Variants in PCDHA1 observed in about 807,000 individuals in gnomAD.
The protein encoded by PCDHA1 is protocadherin alpha-1.
In PCDHA1, 42 loss-of-function variants were observed where a neutral mutation model predicts 61.3. The ratio of observed to expected loss-of-function variants is 0.69; its 90% CI spans 0.54 to 0.89. The LOEUF (loss-of-function observed/expected upper bound fraction) is 0.89. Among genes scored for constraint, PCDHA1 ranks in the 40% least tolerant of loss-of-function variants. PCDHA1 has a pLI of 0.00. For synonymous variants in PCDHA1, 610 were observed against 553.8 expected (o/e 1.10, Z -1.43); for missense variants, 1,256 against 1,235.3 (o/e 1.02, Z -0.25).
At chr5:140,961,458 G>A (rs1371131275) in intron 1 of PCDHA1, among the ~76,000 whole-genome samples, 2 of 152,150 alleles carry the variant, frequency 1.3e-5, no homozygotes, top group Non-Finnish European at 2.9e-5. Context: ...TCTTGCAGCT[G>A]CCTTTCTTTT....
chr5:140,911,381 G>A (rs2075444647), intron 1 of PCDHA1, among the ~76,000 whole-genome samples: 1 of 152,116 alleles, frequency 6.6e-6, no homozygotes, highest in African/African-American at 2.4e-5. Context: ...GGCTGTGCAT[G>A]CACCTTTCAT....
chr5:140,982,447 C>T (rs782801484), intron 2 of PCDHA1, 28 bp from the exon 3 acceptor site: 5 of 1,613,664 alleles, frequency 3.1e-6, no homozygotes, highest in Admixed American at 3.3e-5. Flanking sequence ...ATGATCTAAC[C>T]GTTATCTGGG....
chr5:140,833,822 T>C (rs1020023759), intron 1 of PCDHA1, among the ~76,000 whole-genome samples: 1 of 152,148 alleles, frequency 6.6e-6, no homozygotes, highest in Non-Finnish European at 1.5e-5. Context: ...CCTGGGTCCC[T>C]AAAAGAGTAC....
Position 140,823,500 on chromosome 5 carries a change from A to G in PCDHA1, c.2394+34816A>G, listed in dbSNP as rs1016664951. 8 of 1,613,208 alleles carry G rather than the reference A, an allele frequency of 5.0e-6. No individual in the cohort carries two copies. The Admixed American group carries it at 5.0e-5, about 10-fold the overall frequency. On this transcript the variant is annotated intron_variant, in intron 1 of 3. Transcript: ENST00000504120. ...CTCGAGTGGGTGGCACCGGCGGCGCAGTGAGCGAGCTGGTGCCGAGGTCAG... is the reference window on the plus strand; with the variant it reads ...CTCGAGTGGGTGGCACCGGCGGCGCGGTGAGCGAGCTGGTGCCGAGGTCAG...
chr5:140,801,740 C>T (rs774149101), intron 1 of PCDHA1: 3 of 1,613,818 alleles, frequency 1.9e-6, no homozygotes, highest in Non-Finnish European at 2.5e-6. Flanking sequence ...TTACCTTGGA[C>T]GTTAAAAGAA....
At chr5:140,981,537 G>C (rs375537131) in intron 2 of PCDHA1, among the ~76,000 whole-genome samples, 2 of 152,290 alleles carry the variant, frequency 1.3e-5, no homozygotes, top group East Asian at 3.9e-4. Context: ...TCGTGCCACT[G>C]TACTCCAGCC....
At chr5:140,822,243 G>A (rs2150114837) in intron 1 of PCDHA1, 12 of 1,614,136 alleles carry the variant, frequency 7.4e-6, no homozygotes, top group Non-Finnish European at 1.0e-5. Flanking sequence ...TAGAGGGCGC[G>A]TCGGATTTGG....
At chr5:140,797,230 C>T in intron 1 of PCDHA1, 1 of 1,614,176 alleles carries the variant, frequency 6.2e-7, no homozygotes. Flanking sequence ...GCAGAGGCGG[C>T]AGAGGGTGTG....
In PCDHA1 at chr5:140,928,392, G is replaced by A. The variant is rs17844366; in HGVS notation, c.2395-50557G>A. 2.0e-4 allele frequency: 326 copies of A among 1,614,052 alleles called. No homozygotes were observed. The East Asian group carries it at 6.6e-3, about 32-fold the overall frequency. Reference sequence around the variant, plus strand: ...CATCAGCCTCTAGCTTGCTGGCAGTGGAATCATCCAGTGGGGCCATCACTG... The same window carrying A: ...CATCAGCCTCTAGCTTGCTGGCAGTAGAATCATCCAGTGGGGCCATCACTG... On this transcript the variant is annotated intron_variant, in intron 1 of 3. Transcript: ENST00000504120.
At chr5:140,889,213 G>A (rs1463412254) in intron 1 of PCDHA1, among the ~76,000 whole-genome samples, 1 of 151,602 alleles carries the variant, frequency 6.6e-6, no homozygotes, top group African/African-American at 2.4e-5. Context: ...TAACAAAGAA[G>A]AATAGTCTTT....
rs995118768 is a variant in PCDHA1 at position 140,943,957 on chromosome 5, T to G, written c.2395-34992T>G. Among the ~76,000 whole-genome samples the G allele has an allele frequency of 2.6e-5, 4 of 152,224 alleles. No individual in the cohort carries two copies. The South Asian group carries it at 8.3e-4, about 32-fold the overall frequency. On this transcript the variant is annotated intron_variant, in intron 1 of 3. Coordinates refer to ENST00000504120, the MANE Select transcript of PCDHA1 (RefSeq NM_018900.4). ...TGTGGTTATAGGAGAAGCAGTGAAT[T>G]AAAGAGTTAAAGTAATTAAGAAAAC... is the stretch of plus-strand genomic sequence containing the variant.
In PCDHA1 at chr5:140,858,295, G is replaced by A. The variant is rs190932191; in HGVS notation, c.2394+69611G>A. ...GCGCGGTGGGGAGCTGGTCTTACTC[G>A]CAGCAGAGGCGGCAGAGGGTGTGTT... On this transcript the variant is annotated intron_variant, in intron 1 of 3. Coordinates refer to ENST00000504120, the MANE Select transcript of PCDHA1 (RefSeq NM_018900.4). 2.6e-3 allele frequency: 4,219 copies of A among 1,597,346 alleles called. 330 individuals are homozygous for A. The highest frequency in any genetic ancestry group is 0.01 in the Middle Eastern group (61 of 5,988).
intron 1 of PCDHA1, chr5:140,827,983 T>C (rs1358516042): frequency 1.4e-6 from 2 of 1,436,802 alleles, no homozygotes; most frequent in Non-Finnish European, 1.9e-6. Context: ...TCCCTGACTG[T>C]TGAATGATGG....
chr5:140,870,927 T>G (rs782446287), intron 1 of PCDHA1: 1 of 1,613,880 alleles, frequency 6.2e-7, no homozygotes, highest in South Asian at 1.1e-5. Context: ...GGCTTTCATA[T>G]GAATTGCAGC....
chr5:140,833,753 C>CAT (rs1554133947), intron 1 of PCDHA1, among the ~76,000 whole-genome samples: 1 of 148,592 alleles, frequency 6.7e-6, no homozygotes, highest in East Asian at 1.9e-4. Context: ...AAAAAGAAAA[C>CAT]ACACACACAC....
At chr5:140,965,496 A>AT (rs71766133) in intron 1 of PCDHA1, among the ~76,000 whole-genome samples, 6,292 of 146,438 alleles carry the variant, frequency 0.043, 368 homozygotes, top group African/African-American at 0.14. Flanking sequence ...ATGACAGCAG[A>AT]TTTTTTTTTT....
chr5:140,883,740 C>G (rs2059789153), intron 1 of PCDHA1: 1 of 1,613,368 alleles, frequency 6.2e-7, no homozygotes, highest in Non-Finnish European at 8.5e-7. Context: ...GCGCTGGTCT[C>G]CTACTCGCTG....
intron 1 of PCDHA1, chr5:140,875,439 G>C (rs375983329): frequency 3.8e-6 from 6 of 1,569,382 alleles, no homozygotes; most frequent in East Asian, 2.3e-5. Flanking sequence ...CCTTAAAACT[G>C]ATTGTCCCAA....
chr5:140,928,276 GC>G, intron 1 of PCDHA1: 1 of 1,614,172 alleles, frequency 6.2e-7, no homozygotes. Flanking sequence ...TGGCCCTGGG[GC>G]CTCTCTAGGC....
Sources: allele counts gnomAD v4.1 joint callset (sites outside exome capture counted in the v4.1 genomes callset), GRCh38; gene constraint gnomAD v4.1.1; transcripts MANE v1.5; gene names NCBI Gene and HGNC (gene_info 2026-07-23, HGNC 2026-07-21).